The following DPP10 variants were observed in gnomAD, a reference collection of about 807,000 sequenced individuals.
The protein encoded by DPP10 is inactive dipeptidyl peptidase 10.
A neutral mutation model predicts 120.9 loss-of-function variants in DPP10; 33 were observed. The observed-to-expected ratio is 0.27, with a 90% CI of 0.21 to 0.37. The LOEUF (loss-of-function observed/expected upper bound fraction) is 0.37, where lower values mean the gene tolerates loss of function less well. Among genes scored for constraint, DPP10 ranks in the 10% least tolerant of loss-of-function variants. The pLI, the probability that DPP10 is intolerant of heterozygous loss-of-function variation, is 1.00. For missense variants in DPP10, 816 were observed against 942.8 expected, an observed-to-expected ratio of 0.87 and a Z score of 1.76; for synonymous variants, 337 against 326.1, an observed-to-expected ratio of 1.03 and a Z score of -0.36.
chr2:115,550,403 A>C (rs964958913), intron 5 of DPP10, among the ~76,000 whole-genome samples: 1 of 152,128 alleles, frequency 6.6e-6, no homozygotes, highest in Non-Finnish European at 1.5e-5. Flanking sequence ...ACATGTTTTC[A>C]GAATGACAGC....
chr2:114,715,759 T>A (rs1701305943), intron 1 of DPP10, among the ~76,000 whole-genome samples: 2 of 151,960 alleles, frequency 1.3e-5, no homozygotes, highest in African/African-American at 4.8e-5. Context: ...AGACATCACC[T>A]CCCACACACA....
Position 114,735,190 on chromosome 2 carries a change from A to G in DPP10, c.60+292352A>G, listed in dbSNP as rs571835558. 9.2e-5 allele frequency among the ~76,000 whole-genome samples: 14 copies of G among 152,314 alleles called. No homozygotes were observed. The South Asian group carries it at 1.0e-3, about 11-fold the overall frequency. ...TTTAGGGAGACACAATTCAAAGCAC[A>G]TAATTGTATTTACTTTGCTGTTATC... On this transcript the variant is annotated intron_variant, in intron 1 of 25. Coordinates refer to ENST00000410059, the MANE Select transcript of DPP10 (RefSeq NM_020868.6).
intron 21 of DPP10, among the ~76,000 whole-genome samples, chr2:115,826,905 G>A (rs1413376994): frequency 1.3e-5 from 2 of 151,962 alleles, no homozygotes; most frequent in East Asian, 1.9e-4. Flanking sequence ...GTTGGGTCTT[G>A]CTTTTTTATT....
chr2:115,765,033 G>T (rs1018729662), intron 12 of DPP10, among the ~76,000 whole-genome samples: 8 of 152,078 alleles, frequency 5.3e-5, no homozygotes, highest in African/African-American at 1.9e-4. Context: ...ACCATCTTGT[G>T]TGTCAAAAAC....
chr2:114,798,661 G>A (rs1683921244), intron 1 of DPP10, among the ~76,000 whole-genome samples: 2 of 152,182 alleles, frequency 1.3e-5, no homozygotes, highest in South Asian at 4.1e-4. Flanking sequence ...GACAGTGACA[G>A]GGGTGGGGGC....
chr2:115,549,106 T>C (rs1007652466), intron 5 of DPP10, among the ~76,000 whole-genome samples: 6 of 152,128 alleles, frequency 3.9e-5, no homozygotes, highest in African/African-American at 1.4e-4. Flanking sequence ...AAGCCATGTC[T>C]CTATTACTGC....
At chr2:114,529,269 CT>C (rs1216855308) in intron 1 of DPP10, among the ~76,000 whole-genome samples, 1 of 152,118 alleles carries the variant, frequency 6.6e-6, no homozygotes, top group Non-Finnish European at 1.5e-5. Flanking sequence ...AGGCCAACCA[CT>C]TTTTTTCTTG....
chr2:114,469,265 G>A (rs1411064451), intron 1 of DPP10, among the ~76,000 whole-genome samples: 1 of 152,196 alleles, frequency 6.6e-6, no homozygotes, highest in Non-Finnish European at 1.5e-5. Flanking sequence ...GAGATCAAGA[G>A]TGCAAAAGTT....
rs1264946349 is a variant in DPP10 at position 114,663,666 on chromosome 2, T to TAGAGAGAGAGAGAGAGAG, written c.60+220829_60+220830insGAGAGAGAGAGAGAGAGA. On this transcript the variant is annotated intron_variant, in intron 1 of 25. Coordinates refer to ENST00000410059, the MANE Select transcript of DPP10 (RefSeq NM_020868.6). ...ATATATATATATATATATATATATATATAGAGAGAGAGAGAGAGAGAGAGA... is the reference window on the plus strand; with the variant it reads ...ATATATATATATATATATATATATATAGAGAGAGAGAGAGAGAGATAGAGAGAGAGAGAGAGAGAGAGA... Among the ~76,000 whole-genome samples the TAGAGAGAGAGAGAGAGAG allele has an allele frequency of 2.1e-3, 195 of 92,580 alleles. 1 individual carries two copies. Among genetic ancestry groups the TAGAGAGAGAGAGAGAGAG allele is most frequent in the African/African-American group, 4.8e-3 (72 of 14,936 alleles). The allele number at this position is 92,580 out of a possible 152,430, so 60.7% of individuals were successfully genotyped here.
chr2:115,194,254 C>A (rs557534480), intron 1 of DPP10, among the ~76,000 whole-genome samples: 1 of 151,780 alleles, frequency 6.6e-6, no homozygotes, highest in African/African-American at 2.4e-5. Context: ...GACGGAGCTT[C>A]GCTCTTGTTG....
chr2:115,812,937 A>G (rs1686800767), intron 19 of DPP10, among the ~76,000 whole-genome samples: 1 of 145,922 alleles, frequency 6.9e-6, no homozygotes, highest in African/African-American at 2.5e-5. Context: ...TAGGACCACC[A>G]TAACTAAATA....
intron 5 of DPP10, among the ~76,000 whole-genome samples, chr2:115,635,313 A>G (rs1297851109): frequency 6.6e-6 from 1 of 152,152 alleles, no homozygotes; most frequent in African/African-American, 2.4e-5. Context: ...GTTCAGACCC[A>G]AGGCTCTGGT....
At chr2:115,537,024 G>A (rs1401008809) in intron 5 of DPP10, among the ~76,000 whole-genome samples, 1 of 151,972 alleles carries the variant, frequency 6.6e-6, no homozygotes, top group Non-Finnish European at 1.5e-5. Flanking sequence ...GTCCTTAATT[G>A]TAAAACATAA....
chr2:114,478,110 C>T (rs1047694079), intron 1 of DPP10, among the ~76,000 whole-genome samples: 11 of 151,746 alleles, frequency 7.2e-5, no homozygotes, highest in African/African-American at 2.4e-4. Context: ...ACCCTGAAAA[C>T]AAAACCACAC....
At chr2:114,837,314 T>C (rs10182013) in intron 1 of DPP10, among the ~76,000 whole-genome samples, 26,026 of 152,118 alleles carry the variant, frequency 0.17, 2,914 homozygotes, top group African/African-American at 0.32. Context: ...TCTTCTGCCA[T>C]GTCTTCAGCC....
intron 1 of DPP10, among the ~76,000 whole-genome samples, chr2:114,971,632 G>A (rs1027957420): frequency 5.9e-5 from 9 of 152,070 alleles, no homozygotes; most frequent in South Asian, 2.1e-4. Flanking sequence ...GTAAAAGAGC[G>A]AAAGTAGACT....
chr2:115,678,246 C>T (rs777103963), intron 5 of DPP10, among the ~76,000 whole-genome samples: 7 of 152,244 alleles, frequency 4.6e-5, no homozygotes, highest in African/African-American at 1.7e-4. Flanking sequence ...GAGCCCTTCA[C>T]GGCATCCCCG....
chr2:115,132,531 A>T (rs1207417416), intron 1 of DPP10, among the ~76,000 whole-genome samples: 1 of 152,136 alleles, frequency 6.6e-6, no homozygotes, highest in East Asian at 1.9e-4. Flanking sequence ...GTGATGTTAT[A>T]CTAGAATCAG....
At position 114,936,256 on chromosome 2, in the gene DPP10, T is replaced by C. The variant is rs1054226321; in HGVS notation, c.61-372983T>C. ...TGTACAATGTTTGGTTTTCCATTCC[T>C]GAGTTGCTTCGCTTAGAATAATAGT... On this transcript the variant is annotated intron_variant, in intron 1 of 25. Transcript: ENST00000410059. Among the ~76,000 whole-genome samples the C allele has an allele frequency of 4.6e-5, 7 of 152,238 alleles. No homozygotes were observed. In the East Asian group the frequency reaches 1.4e-3, roughly 29 times the overall value.
Sources: allele counts gnomAD v4.1 joint callset (sites outside exome capture counted in the v4.1 genomes callset), GRCh38; gene constraint gnomAD v4.1.1; transcripts MANE v1.5; gene names NCBI Gene and HGNC (gene_info 2026-07-23, HGNC 2026-07-21).